CES5A: variants seen among roughly 807,000 people sequenced by gnomAD.
CES5A encodes the protein carboxylesterase 5.
CES5A carries 67 observed loss-of-function variants against 62.9 expected under a neutral mutation model. That is an observed-to-expected ratio of 1.07 (90% CI 0.88 to 1.31). The LOEUF (loss-of-function observed/expected upper bound fraction) is 1.31. CES5A is among the 50% of genes most tolerant of loss of function. The probability of loss-of-function intolerance (pLI) is 0.00; values close to 1 mark genes in which losing one functional copy is unlikely to be tolerated. For missense variants in CES5A, 748 were observed against 708.5 expected (o/e 1.06, Z -0.63); for synonymous variants, 296 against 280.8 (o/e 1.05, Z -0.54).
At chr16:55,865,777 A>G (rs2033444155) in intron 5 of CES5A, among the ~76,000 whole-genome samples, 186 bp downstream of exon 5, 1 of 152,172 alleles carries the variant, frequency 6.6e-6, no homozygotes, top group Admixed American at 6.5e-5. Context: ...TTTCCCAGTG[A>G]CAGCTGTCCT....
chr16:55,854,786 C>T (rs1412417001), intron 9 of CES5A, among the ~76,000 whole-genome samples: 3 of 151,944 alleles, frequency 2.0e-5, no homozygotes, highest in African/African-American at 7.2e-5. Context: ...CCTGCCTTGG[C>T]CTCCCAAAGT....
At chr16:55,876,892 A>G (rs2253971), upstream of CES5A, among the ~76,000 whole-genome samples, 35,456 of 152,086 alleles carry the variant, frequency 0.23, 4,818 homozygotes, top group Non-Finnish European at 0.31. Flanking sequence ...GGCTACAGAG[A>G]TGCTTCATGG....
At chr16:55,931,025 G>C (rs2034305722) in intron 2 of CES5A, among the ~76,000 whole-genome samples, 2 of 152,166 alleles carry the variant, frequency 1.3e-5, no homozygotes, top group East Asian at 3.9e-4. Context: ...TACCAATTAA[G>C]CCCAAAACCC....
chr16:55,879,505 C>G (rs2033739333), upstream of CES5A, among the ~76,000 whole-genome samples: 2 of 152,004 alleles, frequency 1.3e-5, no homozygotes, highest in South Asian at 4.1e-4. Context: ...CATCACTGCA[C>G]CCCATCACTG....
chr16:55,896,039 T>C (rs1488347613), intron 1 of CES5A, among the ~76,000 whole-genome samples: 2 of 152,196 alleles, frequency 1.3e-5, no homozygotes, highest in African/African-American at 2.4e-5. Context: ...AATAAAGACA[T>C]ATCTGAGACT....
At chr16:55,921,028 A>G (rs183586320) in intron 1 of CES5A, among the ~76,000 whole-genome samples, 1 of 152,350 alleles carries the variant, frequency 6.6e-6, no homozygotes, top group East Asian at 1.9e-4. Flanking sequence ...AAGCAAAGGA[A>G]AGATCAGTGA....
intron 1 of CES5A, among the ~76,000 whole-genome samples, chr16:55,905,848 C>T (rs375235664): frequency 8.5e-5 from 13 of 152,214 alleles, no homozygotes; most frequent in African/African-American, 2.6e-4. Flanking sequence ...ACAAAGAATA[C>T]AATGATTAAT....
At chr16:55,928,229 C>T (rs986879465), upstream of CES5A, among the ~76,000 whole-genome samples, 1 of 151,582 alleles carries the variant, frequency 6.6e-6, no homozygotes, top group African/African-American at 2.4e-5. Flanking sequence ...GGCGACAGAG[C>T]GAGACTCTGT....
chr16:55,870,762 AT>A (rs149195340), intron 3 of CES5A, among the ~76,000 whole-genome samples: 2,652 of 152,326 alleles, frequency 0.017, 80 homozygotes, highest in African/African-American at 0.061. Context: ...AACATAAAAC[AT>A]TCAAATGGCA....
intron 10 of CES5A, among the ~76,000 whole-genome samples, chr16:55,851,491 G>T (rs1326880592): frequency 2.0e-5 from 3 of 152,104 alleles, no homozygotes; most frequent in Non-Finnish European, 4.4e-5. Context: ...AACAACAGAA[G>T]AAAATAACAA....
At chr16:55,874,456 G>A (rs905544594) in intron 1 of CES5A, among the ~76,000 whole-genome samples, 2 of 150,768 alleles carry the variant, frequency 1.3e-5, no homozygotes, top group East Asian at 3.9e-4. Context: ...TATCTGTGCA[G>A]CACCTGCATG....
chr16:55,905,436 G>T (rs1018024367), intron 1 of CES5A, among the ~76,000 whole-genome samples: 2 of 150,288 alleles, frequency 1.3e-5, no homozygotes, highest in East Asian at 1.9e-4. Flanking sequence ...GCTCAATCTC[G>T]GCTCACTGCA....
intron 1 of CES5A, among the ~76,000 whole-genome samples, chr16:55,905,452 C>T (rs767336285): frequency 1.2e-4 from 18 of 151,802 alleles, no homozygotes; most frequent in Admixed American, 3.3e-4. Context: ...CTGCAACCTC[C>T]GCCCCCCAAG....
chr16:55,934,607 T>C (rs2034348785), intron 2 of CES5A, among the ~76,000 whole-genome samples: 1 of 152,180 alleles, frequency 6.6e-6, no homozygotes. Context: ...ATTCTATTAG[T>C]CAGGATTATC....
At position 55,871,625 on chromosome 16, in the gene CES5A, GGGGA is replaced by G; in HGVS notation, c.413_416del (p.Leu138ProfsTer39). 1 of 1,613,994 alleles carries G rather than the reference GGGGA, an allele frequency of 6.2e-7. No individual in the cohort carries two copies. The highest frequency in any genetic ancestry group is 8.5e-7 in the Non-Finnish European group (1 of 1,179,990). On this transcript the variant is annotated frameshift_variant and splice_region_variant, in exon 3 of 13. Coordinates refer to ENST00000290567, the MANE Select transcript of CES5A (RefSeq NM_001143685.2). LOFTEE classifies it high-confidence loss of function. ...CGAAGCACACAGCAGGCAGCCTTAC[GGGGA>G]GCTTGGAGCCTGTATCGGCGTGGGC...
At chr16:55,889,477 C>G (rs1193483808) in intron 1 of CES5A, among the ~76,000 whole-genome samples, 1 of 152,140 alleles carries the variant, frequency 6.6e-6, no homozygotes, top group Non-Finnish European at 1.5e-5. Context: ...CAACACTTTA[C>G]TCACTTATTG....
At chr16:55,877,128 T>C (rs2033706013), upstream of CES5A, among the ~76,000 whole-genome samples, 1 of 152,090 alleles carries the variant, frequency 6.6e-6, no homozygotes. Context: ...CTTCTGCAAG[T>C]GGGTCCAAGC....
At chr16:55,854,724 G>T (rs2033205970) in intron 9 of CES5A, among the ~76,000 whole-genome samples, 1 of 150,330 alleles carries the variant, frequency 6.7e-6, no homozygotes, top group South Asian at 2.1e-4. Context: ...TAGAGACAAG[G>T]TCTCCCTGTG....
chr16:55,952,652 G>A (rs1445986971), intron 1 of CES5A, among the ~76,000 whole-genome samples: 1 of 151,988 alleles, frequency 6.6e-6, no homozygotes, highest in African/African-American at 2.4e-5. Flanking sequence ...AAAATCTAAT[G>A]AATGAATAAT....
Sources: gnomAD v4.1 joint callset for allele counts (sites outside exome capture counted in the v4.1 genomes callset) on GRCh38, gnomAD v4.1.1 for gene constraint, MANE v1.5 for transcripts, NCBI Gene and HGNC (gene_info 2026-07-23, HGNC 2026-07-21) for gene names.